Variants in KAZN observed in about 807,000 individuals in gnomAD.
KAZN encodes kazrin.
In KAZN, 40 loss-of-function variants were observed where a neutral mutation model predicts 87.4. The observed-to-expected ratio is 0.46, with a 90% CI of 0.36 to 0.60. KAZN has a LOEUF of 0.60. KAZN is among the 20% of genes least tolerant of loss of function. The pLI is 0.00. For synonymous variants in KAZN, 466 were observed against 458.3 expected (o/e 1.02, Z -0.22); for missense variants, 898 against 1,073.9 (o/e 0.84, Z 2.29).
At chr1:14,060,413 A>G (rs1048443430) in intron 1 of KAZN, among the ~76,000 whole-genome samples, 19 of 152,014 alleles carry the variant, frequency 1.2e-4, no homozygotes, top group Admixed American at 1.0e-3. Context: ...CCTACTTGCA[A>G]TAAGAGCTGT....
intron 2 of KAZN, among the ~76,000 whole-genome samples, chr1:14,487,880 A>G (rs1669430650): frequency 6.6e-6 from 1 of 152,150 alleles, no homozygotes; most frequent in Non-Finnish European, 1.5e-5. Context: ...CCAGGAAAGG[A>G]TCCAGAAGGA....
intron 1 of KAZN, among the ~76,000 whole-genome samples, chr1:14,744,266 CTTA>C (rs1192888034): frequency 1.3e-5 from 2 of 152,224 alleles, no homozygotes; most frequent in East Asian, 3.9e-4. Flanking sequence ...TCAGTATTAT[CTTA>C]TTTAGTCTTG....
At chr1:14,471,107 G>A (rs750022750) in intron 2 of KAZN, among the ~76,000 whole-genome samples, 12 of 152,242 alleles carry the variant, frequency 7.9e-5, no homozygotes, top group Non-Finnish European at 1.5e-4. Context: ...TGAGAGACCC[G>A]GAGCCAGAAC....
Position 15,094,672 on chromosome 1 carries a change from G to T in KAZN, c.1429-143G>T. ...GATTCCGCCCCACATCAGAGTTGCA[G>T]AGGTTTCCATGTGCCCTGACCCCAC... is the stretch of plus-strand genomic sequence containing the variant. On this transcript the variant is annotated intron_variant, in intron 9 of 14. Transcript: ENST00000376030. This position sits in a 1 kb window ranked among gnomAD's most constrained non-coding sequence, Gnocchi z 4.5. 1 of 659,124 alleles carries T rather than the reference G, an allele frequency of 1.5e-6. No individual in the cohort carries two copies. The highest frequency in any genetic ancestry group is 2.6e-6 in the Non-Finnish European group (1 of 386,854). 40.8% of individuals were successfully genotyped at this position (659,124 alleles called of 1,614,324 possible).
Position 13,988,757 on chromosome 1 carries a change from T to A in KAZN, c.91+95001T>A, listed in dbSNP as rs144645768. On this transcript the variant is annotated intron_variant, in intron 1 of 16. Transcript: ENST00000636203. ...GTTAATAAAGAAAAACAAAAGTAGCTATTGTCAAAATTCACTACAGCAATT... is the reference window on the plus strand; with the variant it reads ...GTTAATAAAGAAAAACAAAAGTAGCAATTGTCAAAATTCACTACAGCAATT... Among the ~76,000 whole-genome samples the A allele has an allele frequency of 9.7e-3, 1,480 of 152,284 alleles. 18 individuals are homozygous for A. The highest frequency in any genetic ancestry group is 0.032 in the African/African-American group (1,338 of 41,558).
chr1:14,283,170 A>T (rs1165276320), intron 2 of KAZN, among the ~76,000 whole-genome samples: 1 of 152,150 alleles, frequency 6.6e-6, no homozygotes, highest in African/African-American at 2.4e-5. Context: ...ATTGGGCTGC[A>T]GCTTTTTCAG....
At chr1:14,624,481 C>A (rs549329251) in intron 1 of KAZN, among the ~76,000 whole-genome samples, 1 of 152,030 alleles carries the variant, frequency 6.6e-6, no homozygotes, top group East Asian at 1.9e-4. Flanking sequence ...CTATTTCTCC[C>A]TGCAGTTCTC....
chr1:14,012,603 A>G (rs1640366564), intron 1 of KAZN, among the ~76,000 whole-genome samples: 1 of 152,158 alleles, frequency 6.6e-6, no homozygotes, highest in Admixed American at 6.5e-5. Context: ...TCAGGAGTTC[A>G]AGACCTGCCT....
intron 1 of KAZN, among the ~76,000 whole-genome samples, chr1:14,120,382 A>G (rs1644725928): frequency 6.6e-6 from 1 of 151,970 alleles, no homozygotes; most frequent in Non-Finnish European, 1.5e-5. Flanking sequence ...TTCATGAGAA[A>G]CCACCCCCAC....
At chr1:14,855,272 T>C (rs140956971) in intron 1 of KAZN, among the ~76,000 whole-genome samples, 9 of 152,354 alleles carry the variant, frequency 5.9e-5, no homozygotes, top group Non-Finnish European at 1.3e-4. Context: ...TTTTATCTAT[T>C]GCATTTTGTT....
chr1:14,854,239 G>A (rs951871417), intron 1 of KAZN, among the ~76,000 whole-genome samples: 1 of 152,312 alleles, frequency 6.6e-6, no homozygotes, highest in South Asian at 2.1e-4. Flanking sequence ...CTTGCATGTT[G>A]ACTGGTGAGT....
At chr1:14,550,740 C>CCTCTCTCTCT in intron 2 of KAZN, among the ~76,000 whole-genome samples, 1 of 40,532 alleles carries the variant, frequency 2.5e-5, no homozygotes, top group Non-Finnish European at 5.9e-5. Flanking sequence ...TCTCTCTCTC[C>CCTCTCTCTCT]CCCACCCCGC....
chr1:14,172,907 T>C (rs1269474764), intron 1 of KAZN, among the ~76,000 whole-genome samples: 1 of 152,220 alleles, frequency 6.6e-6, no homozygotes, highest in African/African-American at 2.4e-5. Context: ...GCTGTGAGTG[T>C]GGGCTTCCTC....
chr1:14,913,345 T>C (rs1657451673), intron 1 of KAZN, among the ~76,000 whole-genome samples: 1 of 152,232 alleles, frequency 6.6e-6, no homozygotes, highest in African/African-American at 2.4e-5. Flanking sequence ...TTCGCATTTA[T>C]CCAAACACAT....
intron 1 of KAZN, among the ~76,000 whole-genome samples, chr1:14,789,760 C>CAAAAAAAAAAAAAAAAAAAAA (rs3032757): frequency 4.3e-5 from 2 of 46,252 alleles, no homozygotes; most frequent in Admixed American, 3.6e-4. Context: ...TCCTCATTAC[C>CAAAAAAAAAAAAAAAAAAAAA]AAAAAAAAAA....
chr1:14,602,873 T>C (rs1325172781), intron 1 of KAZN, among the ~76,000 whole-genome samples: 1 of 152,260 alleles, frequency 6.6e-6, no homozygotes, highest in East Asian at 1.9e-4. Context: ...GTGGACGTGC[T>C]GATAGCATCT....
intron 2 of KAZN, among the ~76,000 whole-genome samples, chr1:14,580,475 C>CAAAT (rs34947660): frequency 0.026 from 3,716 of 144,382 alleles, 60 homozygotes; most frequent in African/African-American, 0.031. Context: ...AACTCTATCT[C>CAAAT]AAATAAATAA....
At chr1:15,076,785 C>T (rs2100613012) in intron 8 of KAZN, among the ~76,000 whole-genome samples, 1 of 152,366 alleles carries the variant, frequency 6.6e-6, no homozygotes, top group African/African-American at 2.4e-5. Context: ...GTCACGACTG[C>T]ACTGCCTCGC....
At chr1:14,342,762 G>C (rs1657827003) in intron 2 of KAZN, among the ~76,000 whole-genome samples, 1 of 152,208 alleles carries the variant, frequency 6.6e-6, no homozygotes, top group African/African-American at 2.4e-5. Flanking sequence ...GAAACACCTT[G>C]TGGGGGCCAT....
Sources: allele counts gnomAD v4.1 joint callset (sites outside exome capture counted in the v4.1 genomes callset), GRCh38; gene constraint gnomAD v4.1.1; non-coding constraint Gnocchi (gnomAD v3.1); transcripts MANE v1.5; gene names NCBI Gene and HGNC (gene_info 2026-07-23, HGNC 2026-07-21).